SPATA6: variants seen among roughly 807,000 people sequenced by gnomAD.
The protein encoded by SPATA6 is spermatogenesis associated 6.
A neutral mutation model predicts 65.3 loss-of-function variants in SPATA6; 56 were observed. The observed-to-expected ratio is 0.86, with a 90% CI of 0.69 to 1.07. The LOEUF is 1.07. Among genes scored for constraint, SPATA6 ranks in the 50% least tolerant of loss-of-function variants. SPATA6 has a pLI of 0.00. For synonymous variants in SPATA6, 199 were observed against 213.2 expected, an observed-to-expected ratio of 0.93 and a Z score of 0.58; for missense variants, 590 against 594.8, an observed-to-expected ratio of 0.99 and a Z score of 0.08.
chr1:48,464,008 C>A (rs1344384862), intron 1 of SPATA6, among the ~76,000 whole-genome samples: 2 of 151,328 alleles, frequency 1.3e-5, no homozygotes, highest in African/African-American at 4.9e-5. Context: ...TAAAAAAAAA[C>A]ATCCCAAATA....
chr1:48,330,787 C>T (rs1205476979), intron 11 of SPATA6, among the ~76,000 whole-genome samples: 1 of 152,224 alleles, frequency 6.6e-6, no homozygotes, highest in Non-Finnish European at 1.5e-5. Flanking sequence ...CCCAAAAGTC[C>T]CACATCCACC....
chr1:48,388,376 C>G (rs1490338545), intron 8 of SPATA6, among the ~76,000 whole-genome samples: 2 of 151,760 alleles, frequency 1.3e-5, no homozygotes, highest in African/African-American at 4.9e-5. Flanking sequence ...AAAATTGGAA[C>G]AAACAACTGA....
intron 3 of SPATA6, among the ~76,000 whole-genome samples, chr1:48,430,591 C>A (rs1175782213): frequency 6.6e-6 from 1 of 152,148 alleles, no homozygotes; most frequent in South Asian, 2.1e-4. Context: ...GCTAGTATTA[C>A]TATAACAATG....
chr1:48,455,632 G>A (rs111655221), intron 1 of SPATA6, among the ~76,000 whole-genome samples: 3,811 of 152,130 alleles, frequency 0.025, 99 homozygotes, highest in African/African-American at 0.068. Context: ...TGCCCATGTC[G>A]GCCTCCCAAA....
intron 11 of SPATA6, among the ~76,000 whole-genome samples, chr1:48,347,689 G>A (rs1646408776): frequency 6.6e-6 from 1 of 151,700 alleles, no homozygotes; most frequent in South Asian, 2.1e-4. Flanking sequence ...TGTAACTGGA[G>A]GTTTTAAGAT....
At chr1:48,311,952 C>G (rs1254954585) in intron 11 of SPATA6, among the ~76,000 whole-genome samples, 1 of 152,176 alleles carries the variant, frequency 6.6e-6, no homozygotes, top group African/African-American at 2.4e-5. Flanking sequence ...GTCCTACGCC[C>G]ACGGAGCCTC....
intron 8 of SPATA6, among the ~76,000 whole-genome samples, chr1:48,388,943 T>C (rs932049138): frequency 2.0e-5 from 3 of 152,138 alleles, no homozygotes; most frequent in Admixed American, 1.3e-4. Context: ...TGGAGTACAA[T>C]GGTGTGATCT....
rs559375914 is a variant in SPATA6, at chr1:48,419,550, G to A, written c.239-6399C>T. On this transcript the variant is annotated intron_variant, in intron 3 of 12. Transcript: ENST00000371847. The stretch of plus-strand genomic sequence containing the variant: ...TCTAATGAACAAGCTCCTAGAGATG[G>A]CATGAGGAGATAAATAAAGAAGACA... 4.6e-5 allele frequency among the ~76,000 whole-genome samples: 7 copies of A among 152,260 alleles called. No individual in the cohort carries two copies. The South Asian group carries it at 1.0e-3, about 23-fold the overall frequency.
chr1:48,428,534 CATT>C (rs1277522648), intron 3 of SPATA6, among the ~76,000 whole-genome samples: 1 of 152,014 alleles, frequency 6.6e-6, no homozygotes, highest in Non-Finnish European at 1.5e-5. Flanking sequence ...TAGGGAAAAA[CATT>C]AATAAGAAAA....
At chr1:48,384,197 G>A (rs1404079898) in intron 9 of SPATA6, among the ~76,000 whole-genome samples, 1 of 148,100 alleles carries the variant, frequency 6.8e-6, no homozygotes, top group African/African-American at 2.5e-5. Flanking sequence ...CCAGTCAGGC[G>A]TGGCGGTGCG....
At chr1:48,464,607 C>G (rs1309945957) in intron 1 of SPATA6, among the ~76,000 whole-genome samples, 3 of 152,138 alleles carry the variant, frequency 2.0e-5, no homozygotes, top group African/African-American at 7.2e-5. Context: ...GCTATTGCCT[C>G]ATAAACCACA....
At chr1:48,379,089 G>A (rs926151209) in intron 9 of SPATA6, among the ~76,000 whole-genome samples, 3 of 152,140 alleles carry the variant, frequency 2.0e-5, no homozygotes, top group Non-Finnish European at 4.4e-5. Context: ...AATTTTTAAA[G>A]AAAAGAGGTT....
intron 11 of SPATA6, chr1:48,325,592 G>A (rs1425908360): frequency 2.3e-6 from 2 of 886,088 alleles, no homozygotes; most frequent in South Asian, 1.3e-5. Flanking sequence ...GGTAAAGGTG[G>A]AAATCCACTT....
intron 3 of SPATA6, among the ~76,000 whole-genome samples, chr1:48,443,327 C>G (rs1655697239): frequency 6.6e-6 from 1 of 152,180 alleles, no homozygotes; most frequent in African/African-American, 2.4e-5. Flanking sequence ...TTATAGAAAT[C>G]AGACCCTATC....
chr1:48,462,998 C>T (rs1657561330), intron 1 of SPATA6, among the ~76,000 whole-genome samples: 1 of 152,172 alleles, frequency 6.6e-6, no homozygotes, highest in Non-Finnish European at 1.5e-5. Flanking sequence ...TCTCCTTGAG[C>T]TCGGACATCC....
At chr1:48,436,302 C>T in intron 3 of SPATA6, 1 of 1,613,452 alleles carries the variant, frequency 6.2e-7, no homozygotes, top group Non-Finnish European at 8.5e-7. Flanking sequence ...TTCTATCCCA[C>T]TTTTTCCGGC....
At chr1:48,385,097 T>C (rs778189058) in intron 9 of SPATA6, among the ~76,000 whole-genome samples, 2 of 152,088 alleles carry the variant, frequency 1.3e-5, no homozygotes, top group African/African-American at 2.4e-5. Context: ...TTAATACAAA[T>C]GAATAACCAA....
chr1:48,299,721 T>C (rs986065917), intron 12 of SPATA6, among the ~76,000 whole-genome samples: 2 of 152,054 alleles, frequency 1.3e-5, no homozygotes, highest in African/African-American at 4.8e-5. Context: ...CTAAACCAGG[T>C]ACTTTATATC....
chr1:48,379,930 A>G lies in SPATA6; in HGVS notation c.909+5379T>C, dbSNP rs2148883570. Among the ~76,000 whole-genome samples the G allele has an allele frequency of 2.0e-5, 3 of 152,346 alleles. No individual in the cohort carries two copies. In the South Asian group the frequency reaches 6.2e-4, roughly 32 times the overall value. ...AGCCTTAAAAAATTGTGAAAATAAA[A>G]CTCACCACAACAAATAAGTATGTGA... On this transcript the variant is annotated intron_variant, in intron 9 of 12. Transcript: ENST00000371847.
Sources: gnomAD v4.1 joint callset for allele counts (sites outside exome capture counted in the v4.1 genomes callset) on GRCh38, gnomAD v4.1.1 for gene constraint, MANE v1.5 for transcripts, NCBI Gene and HGNC (gene_info 2026-07-23, HGNC 2026-07-21) for gene names.